Variants in FHIT observed in about 807,000 individuals in gnomAD.
The protein encoded by FHIT is bis(5'-adenosyl)-triphosphatase.
A neutral mutation model predicts 17.9 loss-of-function variants in FHIT; 19 were observed. The observed-to-expected ratio is 1.06, with a 90% CI of 0.74 to 1.56. FHIT has a LOEUF of 1.56. Among genes scored for constraint, FHIT ranks in the 40% most tolerant of loss-of-function variants. The pLI, the probability that FHIT is intolerant of heterozygous loss-of-function variation, is 0.00. For missense variants in FHIT, 248 were observed against 189.2 expected, an observed-to-expected ratio of 1.31 and a Z score of -1.82; for synonymous variants, 81 against 69.7, an observed-to-expected ratio of 1.16 and a Z score of -0.81.
At chr3:60,590,591 G>A (rs2049799) in intron 4 of FHIT, among the ~76,000 whole-genome samples, 35,578 of 152,088 alleles carry the variant, frequency 0.23, 4,358 homozygotes, top group East Asian at 0.45. Flanking sequence ...GCCTTGCAGC[G>A]GGGAATTACT....
chr3:60,541,740 A>G (rs919260804), intron 4 of FHIT, among the ~76,000 whole-genome samples: 1 of 152,240 alleles, frequency 6.6e-6, no homozygotes, highest in African/African-American at 2.4e-5. Context: ...TGTGAGAGCC[A>G]ATACTGAGGC....
intron 5 of FHIT, among the ~76,000 whole-genome samples, chr3:60,065,628 T>G (rs1446506271): frequency 6.6e-6 from 1 of 152,182 alleles, no homozygotes; most frequent in African/African-American, 2.4e-5. Flanking sequence ...ACCTAATCAG[T>G]TAGAGGCAAG....
At chr3:60,303,726 G>A (rs542682938) in intron 5 of FHIT, among the ~76,000 whole-genome samples, 1 of 152,144 alleles carries the variant, frequency 6.6e-6, no homozygotes, top group Non-Finnish European at 1.5e-5. Flanking sequence ...CTGTCCTGGA[G>A]CATCACCTAG....
At chr3:59,899,642 TG>T (rs1195722052) in intron 8 of FHIT, among the ~76,000 whole-genome samples, 8 of 150,852 alleles carry the variant, frequency 5.3e-5, no homozygotes, top group Non-Finnish European at 8.8e-5. Context: ...GAGACCAGCC[TG>T]GGCAATATGG....
intron 5 of FHIT, among the ~76,000 whole-genome samples, chr3:60,417,123 CTATTAG>C (rs999234678): frequency 2.6e-5 from 4 of 151,416 alleles, no homozygotes; most frequent in African/African-American, 7.3e-5. Context: ...TTGAGAACAA[CTATTAG>C]ATCATCAATA....
At chr3:60,745,219 C>T (rs2042332716) in intron 4 of FHIT, among the ~76,000 whole-genome samples, 1 of 152,192 alleles carries the variant, frequency 6.6e-6, no homozygotes, top group Admixed American at 6.5e-5. Flanking sequence ...AAGAGTTCGT[C>T]TAGATATGGG....
intron 7 of FHIT, among the ~76,000 whole-genome samples, chr3:60,004,177 C>T (rs759853478): frequency 9.9e-5 from 15 of 152,096 alleles, no homozygotes; most frequent in Non-Finnish European, 1.6e-4. Context: ...AAAACACTTG[C>T]CTTTCACAGG....
intron 5 of FHIT, among the ~76,000 whole-genome samples, chr3:60,273,123 T>C (rs556304227): frequency 3.3e-5 from 5 of 152,320 alleles, no homozygotes; most frequent in African/African-American, 1.2e-4. Flanking sequence ...TGGTGAGAAA[T>C]AATTTGCTTA....
chr3:59,922,461 A>T, intron 7 of FHIT, 47 bp from the exon 8 acceptor site: 1 of 1,501,190 alleles, frequency 6.7e-7, no homozygotes, highest in Non-Finnish European at 9.3e-7. Flanking sequence ...CTCCCCATGT[A>T]TTTTTAGACT....
intron 5 of FHIT, among the ~76,000 whole-genome samples, chr3:60,196,248 C>G (rs1230498729): frequency 2.0e-5 from 3 of 152,120 alleles, no homozygotes; most frequent in Non-Finnish European, 4.4e-5. Flanking sequence ...TCTGGGGGCT[C>G]TAGTTCAGAA....
At chr3:61,102,719 C>G (rs1423488205) in intron 2 of FHIT, among the ~76,000 whole-genome samples, 1 of 152,158 alleles carries the variant, frequency 6.6e-6, no homozygotes, top group Non-Finnish European at 1.5e-5. Flanking sequence ...TCATTATTGC[C>G]TTAATTTCAG....
chr3:60,650,328 A>G (rs2856076), intron 4 of FHIT, among the ~76,000 whole-genome samples: 68,026 of 151,966 alleles, frequency 0.45, 16,478 homozygotes, highest in Non-Finnish European at 0.55. Context: ...GGAGTAAGAG[A>G]CCTAAGAGGA....
At chr3:60,906,480 C>T (rs2107247727) in intron 3 of FHIT, among the ~76,000 whole-genome samples, 1 of 152,318 alleles carries the variant, frequency 6.6e-6, no homozygotes, top group Non-Finnish European at 1.5e-5. Context: ...TAGCAATGAA[C>T]CCACCTAGCG....
intron 4 of FHIT, among the ~76,000 whole-genome samples, chr3:60,786,561 C>G (rs782637005): frequency 5.4e-4 from 82 of 152,254 alleles, no homozygotes; most frequent in Non-Finnish European, 9.6e-4. Flanking sequence ...TAAAACGTAC[C>G]TCACAGGAAC....
chr3:61,189,402 A>G (rs1304371694), intron 2 of FHIT, among the ~76,000 whole-genome samples: 1 of 152,304 alleles, frequency 6.6e-6, no homozygotes, highest in South Asian at 2.1e-4. Flanking sequence ...CTTGAAGGAG[A>G]ACTACAAACC....
At chr3:61,116,438 T>C (rs1029703545) in intron 2 of FHIT, among the ~76,000 whole-genome samples, 1 of 152,130 alleles carries the variant, frequency 6.6e-6, no homozygotes, top group Admixed American at 6.6e-5. Context: ...ATTAACTAAG[T>C]TGAGAACCAT....
intron 1 of FHIT, among the ~76,000 whole-genome samples, chr3:61,207,213 C>T (rs975360856): frequency 7.9e-5 from 12 of 152,082 alleles, no homozygotes; most frequent in African/African-American, 2.4e-4. Flanking sequence ...CTGCTGGATT[C>T]GGTTTGCCAG....
At chr3:60,518,814 G>T (rs961954715) in intron 5 of FHIT, among the ~76,000 whole-genome samples, 3 of 152,126 alleles carry the variant, frequency 2.0e-5, no homozygotes, top group African/African-American at 7.2e-5. Context: ...TTTGAGACCA[G>T]CCTGGCCAAC....
intron 8 of FHIT, among the ~76,000 whole-genome samples, chr3:59,778,122 C>T (rs989031877): frequency 3.3e-5 from 5 of 152,124 alleles, no homozygotes; most frequent in African/African-American, 1.2e-4. Flanking sequence ...GTTTGTTCAC[C>T]CCTCTATCCC....
Sources: allele counts gnomAD v4.1 joint callset (sites outside exome capture counted in the v4.1 genomes callset), GRCh38; gene constraint gnomAD v4.1.1; transcripts MANE v1.5; gene names NCBI Gene and HGNC (gene_info 2026-07-23, HGNC 2026-07-21).